Variants in HTR1F observed in about 807,000 individuals in gnomAD.
The protein encoded by HTR1F is 5-hydroxytryptamine (serotonin) receptor 1F, G protein-coupled.
HTR1F carries 17 observed loss-of-function variants against 24.0 expected under a neutral mutation model. The ratio of observed to expected loss-of-function variants is 0.71; its 90% CI spans 0.48 to 1.06. The LOEUF (loss-of-function observed/expected upper bound fraction) is 1.06. Ranked by LOEUF, HTR1F falls within the 50% of genes least tolerant of loss-of-function variation. The pLI, the probability that HTR1F is intolerant of heterozygous loss-of-function variation, is 0.00. For missense variants in HTR1F, 391 were observed against 427.8 expected (o/e 0.91, Z 0.76); for synonymous variants, 186 against 156.8 (o/e 1.19, Z -1.39).
chr3:87,885,928 C>A (rs2932295), intron 2 of HTR1F, among the ~76,000 whole-genome samples: 37,989 of 152,006 alleles, frequency 0.25, 7,541 homozygotes, highest in African/African-American at 0.56. Flanking sequence ...GGAACTGGTA[C>A]CATTCCTTCT....
chr3:87,870,837 T>C (rs1198467485), intron 2 of HTR1F, among the ~76,000 whole-genome samples: 1 of 152,112 alleles, frequency 6.6e-6, no homozygotes, highest in Admixed American at 6.6e-5. Flanking sequence ...TGGAAATTTA[T>C]ATGCACAATT....
intron 2 of HTR1F, among the ~76,000 whole-genome samples, chr3:87,892,326 A>G (rs1413814279): frequency 6.6e-6 from 1 of 152,218 alleles, no homozygotes; most frequent in African/African-American, 2.4e-5. Flanking sequence ...TTTCCCTAGA[A>G]GATGTTAAAG....
chr3:87,876,947 TA>T (rs1246863877), intron 2 of HTR1F, among the ~76,000 whole-genome samples: 1 of 152,152 alleles, frequency 6.6e-6, no homozygotes, highest in Non-Finnish European at 1.5e-5. Flanking sequence ...GTTAAGATGG[TA>T]AATTTTATGA....
chr3:87,904,874 T>C (rs1703626214), intron 2 of HTR1F, among the ~76,000 whole-genome samples: 1 of 152,130 alleles, frequency 6.6e-6, no homozygotes, highest in Non-Finnish European at 1.5e-5. Context: ...GACATAGGGA[T>C]ACTTATTATT....
chr3:87,916,092 G>T (rs943664980), intron 2 of HTR1F, among the ~76,000 whole-genome samples: 1 of 152,006 alleles, frequency 6.6e-6, no homozygotes, highest in Non-Finnish European at 1.5e-5. Context: ...CAAGAAATTT[G>T]TATCCAGCTA....
intron 2 of HTR1F, among the ~76,000 whole-genome samples, chr3:87,884,901 G>C (rs1336954520): frequency 3.3e-5 from 5 of 152,102 alleles, no homozygotes; most frequent in Admixed American, 2.0e-4. Context: ...AATAATGGGA[G>C]ACTTTAACAC....
chr3:87,833,572 G>A (rs553289857), intron 2 of HTR1F, among the ~76,000 whole-genome samples: 71 of 152,232 alleles, frequency 4.7e-4, no homozygotes, highest in African/African-American at 1.4e-3. Context: ...CATGATTGTA[G>A]CTAGCTGCAG....
intron 2 of HTR1F, among the ~76,000 whole-genome samples, chr3:87,971,387 A>C (rs1559653058): frequency 1.3e-5 from 2 of 151,914 alleles, no homozygotes; most frequent in Non-Finnish European, 2.9e-5. Flanking sequence ...GGGCAACATG[A>C]TAAAACCCCG....
chr3:87,861,443 A>G (rs1279540900), intron 2 of HTR1F, among the ~76,000 whole-genome samples: 1 of 152,156 alleles, frequency 6.6e-6, no homozygotes, highest in Non-Finnish European at 1.5e-5. Context: ...CTTCAATTAG[A>G]AGAACAAAAT....
intron 2 of HTR1F, among the ~76,000 whole-genome samples, chr3:87,874,351 A>G (rs1705622923): frequency 6.6e-6 from 1 of 152,192 alleles, no homozygotes; most frequent in East Asian, 1.9e-4. Flanking sequence ...CTAACAATGA[A>G]CAATCTGAAA....
chr3:87,809,350 C>T (rs968475374), intron 1 of HTR1F, among the ~76,000 whole-genome samples: 5 of 151,876 alleles, frequency 3.3e-5, no homozygotes, highest in African/African-American at 1.2e-4. Flanking sequence ...TCAATTAAGC[C>T]TCCTTCTTCA....
chr3:87,915,963 T>C (rs1212694456), intron 2 of HTR1F, among the ~76,000 whole-genome samples: 2 of 152,080 alleles, frequency 1.3e-5, no homozygotes, highest in Admixed American at 6.6e-5. Context: ...GACAAAAGCA[T>C]CAGGTAACCT....
Position 87,980,999 on chromosome 3 carries a change from G to A in HTR1F, c.-42-9709G>A, listed in dbSNP as rs556289674. ...GCTGGGGGGCTGCTGCTGCACCTGG[G>A]GGGGTGGGGCTCCCACCCCACCAAC... On this transcript the variant is annotated intron_variant, in intron 2 of 2. Coordinates refer to ENST00000319595, the MANE Select transcript of HTR1F (RefSeq NM_001322209.2). Among the ~76,000 whole-genome samples, 29 of 152,152 alleles carry A rather than the reference G, an allele frequency of 1.9e-4. No homozygotes were observed. The South Asian group carries it at 2.5e-3, about 13-fold the overall frequency.
At chr3:87,979,186 G>A (rs1025210430) in intron 2 of HTR1F, among the ~76,000 whole-genome samples, 3 of 151,232 alleles carry the variant, frequency 2.0e-5, no homozygotes, top group African/African-American at 4.9e-5. Context: ...CACCCTAATC[G>A]GCAGTCAGGG....
At chr3:87,951,924 T>C (rs1006070436) in intron 2 of HTR1F, among the ~76,000 whole-genome samples, 2 of 152,192 alleles carry the variant, frequency 1.3e-5, no homozygotes, top group African/African-American at 2.4e-5. Context: ...TAATGCGGCA[T>C]GTAGTATTTT....
chr3:87,873,937 T>G (rs1705614159), intron 2 of HTR1F, among the ~76,000 whole-genome samples: 1 of 152,114 alleles, frequency 6.6e-6, no homozygotes, highest in Admixed American at 6.6e-5. Context: ...CCATTCATGA[T>G]TAAAACACTC....
intron 1 of HTR1F, among the ~76,000 whole-genome samples, chr3:87,819,588 C>T (rs557664405): frequency 4.7e-4 from 71 of 151,742 alleles, no homozygotes; most frequent in Middle Eastern, 3.4e-3. Context: ...AATAATTTTT[C>T]TGCTTATTTT....
intron 2 of HTR1F, among the ~76,000 whole-genome samples, chr3:87,869,412 G>GACAGATAGATAC (rs1705500398): frequency 9.0e-6 from 1 of 110,534 alleles, no homozygotes; most frequent in Admixed American, 8.6e-5. Flanking sequence ...TAGATAGATA[G>GACAGATAGATAC]ATAGATAGAT....
chr3:87,988,901 A>G (rs1012723350), intron 2 of HTR1F, among the ~76,000 whole-genome samples: 1 of 152,098 alleles, frequency 6.6e-6, no homozygotes, highest in Non-Finnish European at 1.5e-5. Flanking sequence ...TAATATACCT[A>G]ACCACATTAT....
Sources: allele counts gnomAD v4.1 joint callset (sites outside exome capture counted in the v4.1 genomes callset), GRCh38; gene constraint gnomAD v4.1.1; transcripts MANE v1.5; gene names NCBI Gene and HGNC (gene_info 2026-07-23, HGNC 2026-07-21).